SH2D3A: variants seen among roughly 807,000 people sequenced by gnomAD.
SH2D3A encodes the protein SH2 domain containing 3A.
In SH2D3A, 46 loss-of-function variants were observed where a neutral mutation model predicts 50.6. The ratio of observed to expected loss-of-function variants is 0.91; its 90% CI spans 0.72 to 1.16. The LOEUF (loss-of-function observed/expected upper bound fraction) is 1.16, where lower values mean the gene tolerates loss of function less well. Among genes scored for constraint, SH2D3A ranks in the 50% most tolerant of loss-of-function variants. The pLI is 0.00. For missense variants in SH2D3A, 783 were observed against 786.2 expected (o/e 1.00, Z 0.05); for synonymous variants, 377 against 348.4 (o/e 1.08, Z -0.91).
At chr19:6,765,823 C>T (rs1437841699) in intron 1 of SH2D3A, among the ~76,000 whole-genome samples, 1 of 151,814 alleles carries the variant, frequency 6.6e-6, no homozygotes, top group Non-Finnish European at 1.5e-5. Context: ...GCAATGTCAG[C>T]AAACAGCAAT....
chr19:6,763,099 T>C (rs1970118237), intron 2 of SH2D3A, among the ~76,000 whole-genome samples: 1 of 152,160 alleles, frequency 6.6e-6, no homozygotes, highest in South Asian at 2.1e-4. Flanking sequence ...AGTCTCGCTC[T>C]GTTACCCAGT....
At chr19:6,752,857 G>A in intron 9 of SH2D3A, 104 bp from the exon 10 acceptor site, 10 of 1,419,594 alleles carry the variant, frequency 7.0e-6, no homozygotes, top group Non-Finnish European at 9.2e-6. Context: ...GACCCAACAG[G>A]GGCCCGGGAG....
Position 6,754,399 on chromosome 19 carries a change from G to A in SH2D3A, c.1124C>T (p.Ala375Val). 6.6e-7 allele frequency: 1 copy of A among 1,525,426 alleles called. No homozygotes were observed. The highest frequency in any genetic ancestry group is 8.7e-7 in the Non-Finnish European group (1 of 1,147,810). The allele number at this position is 1,525,426 out of a possible 1,614,324, so 94.5% of individuals were successfully genotyped here. The change falls in exon 7 of 10, where the codon GCG becomes GTG. Residue 375 changes from alanine to valine, a missense_variant. By Grantham distance (64) the Ala-to-Val change is moderately conservative. Coordinates refer to ENST00000245908, the MANE Select transcript of SH2D3A (RefSeq NM_005490.3). ...CCCCGAGCAGCCCAGCACCGCCAGCGCCCCGGCCAGCGCCAGTGTCTGATG... is the reference window on the plus strand; with the variant it reads ...CCCCGAGCAGCCCAGCACCGCCAGCACCCCGGCCAGCGCCAGTGTCTGATG... ...ERHQTLALAG[A>V]LAVLGCSGPL...
chr19:6,753,901 G>C, intron 8 of SH2D3A, 151 bp downstream of exon 8: 1 of 1,051,470 alleles, frequency 9.5e-7, no homozygotes, highest in South Asian at 1.8e-5. Context: ...CCTAGGGAAA[G>C]GGCCAGGACC....
intron 1 of SH2D3A, among the ~76,000 whole-genome samples, chr19:6,764,880 T>G (rs1239636269): frequency 1.4e-5 from 2 of 144,594 alleles, no homozygotes; most frequent in Non-Finnish European, 3.0e-5. Flanking sequence ...TAATTTTTTT[T>G]TTTTTTTTTT....
chr19:6,761,974 A>AAC (rs1970048119), intron 2 of SH2D3A, among the ~76,000 whole-genome samples: 2 of 150,922 alleles, frequency 1.3e-5, no homozygotes, highest in South Asian at 4.2e-4. Context: ...ACAAAAAAAA[A>AAC]AACAAAAAAA....
intron 2 of SH2D3A, among the ~76,000 whole-genome samples, chr19:6,763,059 T>C (rs1970116703): frequency 1.3e-5 from 2 of 152,016 alleles, no homozygotes; most frequent in South Asian, 4.2e-4. Flanking sequence ...CAGATTTATT[T>C]GTTTGTTTAT....
intron 1 of SH2D3A, among the ~76,000 whole-genome samples, chr19:6,765,249 AT>A (rs1165682885): frequency 6.6e-6 from 1 of 151,982 alleles, no homozygotes; most frequent in East Asian, 1.9e-4. Flanking sequence ...CTGGGTGAAC[AT>A]TTTTGATCAT....
intron 2 of SH2D3A, 155 bp from the exon 3 acceptor site, chr19:6,761,142 T>C: frequency 3.2e-6 from 2 of 630,064 alleles, no homozygotes; most frequent in South Asian, 4.0e-5. Flanking sequence ...CACCAAGTTC[T>C]GTCCCCCTTT....
At chr19:6,757,100 C>T (rs923317439) in intron 4 of SH2D3A, among the ~76,000 whole-genome samples, 3 of 151,834 alleles carry the variant, frequency 2.0e-5, no homozygotes, top group Admixed American at 1.3e-4. Context: ...CTCTTGACCT[C>T]GTGATCCGCC....
intron 3 of SH2D3A, 90 bp downstream of exon 3, chr19:6,760,548 A>G: frequency 9.0e-7 from 1 of 1,114,840 alleles, no homozygotes; most frequent in Non-Finnish European, 1.3e-6. Context: ...ACAGAGTGAG[A>G]CTCAGTCAAA....
Position 6,755,224 on chromosome 19 carries a change from GTC to G in SH2D3A, c.586_587del (p.Asp196GlnfsTer27). ...KAPAPLGTVA[D>X]SLRASDGQLQ... ...GCTGCCCATCGGAGGCCCTGAGACT[GTC>G]GGCAACAGTTCCCAGGGGAGCAGGG... On this transcript the variant is annotated frameshift_variant, in exon 5 of 10. Transcript: ENST00000245908. LOFTEE classifies it high-confidence loss of function. The G allele has an allele frequency of 2.6e-6, 4 of 1,554,394 alleles. No individual in the cohort carries two copies. The highest frequency in any genetic ancestry group is 3.5e-6 in the Non-Finnish European group (4 of 1,149,094).
chr19:6,760,621 A>G lies in SH2D3A; in HGVS notation c.419+17T>C. ...GAGTGTTGGGTGTTCTCAAGGAGGC[A>G]GGGAGACTGTGAGTACCTGAGAGGC... On this transcript the variant is annotated intron_variant, in intron 3 of 9. Coordinates refer to ENST00000245908, the MANE Select transcript of SH2D3A (RefSeq NM_005490.3). The G allele has an allele frequency of 6.5e-7, 1 of 1,528,740 alleles. No individual in the cohort carries two copies. Among genetic ancestry groups the G allele is most frequent in the Non-Finnish European group, 8.8e-7 (1 of 1,136,060 alleles). 94.7% of individuals were successfully genotyped at this position (1,528,740 alleles called of 1,614,324 possible).
intron 4 of SH2D3A, 52 bp downstream of exon 4, chr19:6,759,542 G>A: frequency 2.6e-6 from 4 of 1,541,458 alleles, no homozygotes; most frequent in Non-Finnish European, 3.6e-6. Context: ...CTCTTAGGTG[G>A]TGAGTGGCAG....
Position 6,752,706 on chromosome 19 carries a change from C to A in SH2D3A, c.1618G>T (p.Val540Leu), listed in dbSNP as rs1223659694. The A allele has an allele frequency of 1.3e-6, 2 of 1,552,414 alleles. No homozygotes were observed. Among genetic ancestry groups the A allele is most frequent in the African/African-American group, 1.4e-5 (1 of 73,230 alleles). Reference protein sequence around the residue: ...ELREALTTGFVRRLLWGSRGA... With the variant: ...ELREALTTGFLRRLLWGSRGA... ...CGGCTACCCCAGAGCAGCCTCCGCA[C>A]GAAGCCGGTGGTCAGGGCCTCCCTC... Residue 540 changes from valine (V) to leucine (L), a missense_variant, in exon 10 of 10, where the codon GTG becomes TTG. Transcript: ENST00000245908.
At position 6,752,629 on chromosome 19, in the gene SH2D3A, G is replaced by C. The variant is rs149467413; in HGVS notation, c.1695C>G (p.Leu565=). 1.2e-4 allele frequency: 181 copies of C among 1,559,110 alleles called. No individual in the cohort carries two copies. In the African/African-American group the frequency reaches 2.3e-3, roughly 20 times the overall value. The change falls in exon 10 of 10, where the codon CTC becomes CTG. Residue 565 remains leucine, a synonymous_variant. Coordinates refer to ENST00000245908, the MANE Select transcript of SH2D3A (RefSeq NM_005490.3). The part of the protein sequence containing the change: ...AERFEKFQRV[L]GVLSQRLEPD... ...GCTCCAGGCGCTGCGACAGGACGCC[G>C]AGGACGCGCTGGAACTTCTCAAAGC...
At chr19:6,763,436 A>G (rs928428362) in intron 2 of SH2D3A, among the ~76,000 whole-genome samples, 2 of 152,168 alleles carry the variant, frequency 1.3e-5, no homozygotes, top group African/African-American at 2.4e-5. Flanking sequence ...CAGAGCCAAG[A>G]GTAGTTTGGG....
intron 1 of SH2D3A, among the ~76,000 whole-genome samples, chr19:6,765,025 G>A (rs1038602405): frequency 6.6e-6 from 1 of 151,568 alleles, no homozygotes; most frequent in Non-Finnish European, 1.5e-5. Flanking sequence ...CTACAGGTGT[G>A]TGCCACCATG....
At chr19:6,759,523 G>C in intron 4 of SH2D3A, 71 bp downstream of exon 4, 1 of 1,410,436 alleles carries the variant, frequency 7.1e-7, no homozygotes, top group Non-Finnish European at 1.0e-6. Flanking sequence ...GCCTGCACCT[G>C]ACCAAGATCT....
Sources: allele counts gnomAD v4.1 joint callset (sites outside exome capture counted in the v4.1 genomes callset), GRCh38; gene constraint gnomAD v4.1.1; transcripts MANE v1.5; gene names NCBI Gene and HGNC (gene_info 2026-07-23, HGNC 2026-07-21).